EBF4: variants seen among roughly 807,000 people sequenced by gnomAD.
EBF4 encodes EBF transcription factor 4, also known as transcription factor COE4.
Under a neutral mutation model 67.1 loss-of-function variants are expected in EBF4, and 34 were observed. That is an observed-to-expected ratio of 0.51 (90% confidence interval 0.39 to 0.67). The LOEUF (loss-of-function observed/expected upper bound fraction) is 0.67, where lower values mean the gene tolerates loss of function less well. EBF4 is among the 30% of genes least tolerant of loss of function. The pLI is 0.00. For missense variants in EBF4, 837 were observed against 873.3 expected (o/e 0.96, Z 0.52); for synonymous variants, 387 against 377.7 (o/e 1.02, Z -0.29).
At chr20:2,737,159 A>G (rs2087896455) in intron 6 of EBF4, among the ~76,000 whole-genome samples, 1 of 151,296 alleles carries the variant, frequency 6.6e-6, no homozygotes, top group Non-Finnish European at 1.5e-5. Context: ...CTGAGGCAGG[A>G]GAATGGCGTG....
In EBF4 at chr20:2,751,667, G is replaced by C. The variant is rs796849410; in HGVS notation, c.1019-33G>C. 22 of 1,547,676 alleles carry C rather than the reference G, an allele frequency of 1.4e-5. No individual in the cohort carries two copies. The highest frequency in any genetic ancestry group is 2.7e-5 in the African/African-American group (2 of 72,976). Reference sequence around the variant, plus strand: ...ACCCTGGGAGTGGGGGGCTGCGGGGGAGACGTCCTCCAAACGCCGCCCCCT... The same window carrying C: ...ACCCTGGGAGTGGGGGGCTGCGGGGCAGACGTCCTCCAAACGCCGCCCCCT... On this transcript the variant is annotated intron_variant, in intron 10 of 16. Coordinates refer to ENST00000609451, the Ensembl canonical transcript of EBF4. This position sits in a 1 kb window ranked among gnomAD's most constrained non-coding sequence, Gnocchi z 5.2.
chr20:2,704,548 C>T (rs1452914191), intron 1 of EBF4, among the ~76,000 whole-genome samples: 1 of 152,208 alleles, frequency 6.6e-6, no homozygotes, highest in Non-Finnish European at 1.5e-5. Flanking sequence ...ATTCCTTGTG[C>T]TGTTTATTCT....
At chr20:2,714,387 C>T (rs977009858) in intron 6 of EBF4, among the ~76,000 whole-genome samples, 1 of 151,236 alleles carries the variant, frequency 6.6e-6, no homozygotes. Flanking sequence ...GGGTCTTGCT[C>T]TGTTGCCCAG....
At chr20:2,734,668 G>A (rs564136037) in intron 6 of EBF4, among the ~76,000 whole-genome samples, 1 of 152,148 alleles carries the variant, frequency 6.6e-6, no homozygotes, top group Non-Finnish European at 1.5e-5. Context: ...ATTATATAAA[G>A]TCTATATTTC....
At position 2,707,832 on chromosome 20, in the gene EBF4, C is replaced by G; in HGVS notation, c.415-115C>G. 1 of 1,073,170 alleles carries G rather than the reference C, an allele frequency of 9.3e-7. No individual in the cohort carries two copies. Among genetic ancestry groups the G allele is most frequent in the Non-Finnish European group, 1.3e-6 (1 of 767,134 alleles). 66.5% of individuals were successfully genotyped at this position (1,073,170 alleles called of 1,614,324 possible). ...AGCAAGGCAGAGGGCGTGCTCTTCC[C>G]TGGGGCAGGGTCTCCCTGGGCCTAG... On this transcript the variant is annotated intron_variant, in intron 4 of 16. Coordinates refer to ENST00000609451, the Ensembl canonical transcript of EBF4. This position sits in a 1 kb window ranked among gnomAD's most constrained non-coding sequence, Gnocchi z 4.6.
chr20:2,694,663 C>T (rs2087262728), intron 1 of EBF4, among the ~76,000 whole-genome samples: 2 of 152,158 alleles, frequency 1.3e-5, no homozygotes, highest in South Asian at 4.1e-4. Flanking sequence ...AGGGTGGGCA[C>T]TTGGCTTCCC....
intron 6 of EBF4, among the ~76,000 whole-genome samples, chr20:2,719,377 C>G (rs551767265): frequency 1.3e-5 from 2 of 152,208 alleles, no homozygotes; most frequent in Non-Finnish European, 2.9e-5. Context: ...CAGGCTCAAG[C>G]GATTCTCCTG....
chr20:2,725,052 G>A (rs1028636441), intron 6 of EBF4, among the ~76,000 whole-genome samples: 3 of 152,158 alleles, frequency 2.0e-5, no homozygotes, highest in African/African-American at 7.2e-5. Context: ...TAAAAATTCT[G>A]CTTAGAATGT....
At chr20:2,717,825 T>C (rs1024333914) in intron 6 of EBF4, among the ~76,000 whole-genome samples, 1 of 151,862 alleles carries the variant, frequency 6.6e-6, no homozygotes, top group Non-Finnish European at 1.5e-5. Flanking sequence ...TTTTTTTTTT[T>C]TTTGAGACAG....
rs114293357 is a variant in EBF4 at position 2,759,077 on chromosome 20, C to T, written c.*5+93C>T. 4,987 of 1,196,908 alleles carry T rather than the reference C, an allele frequency of 4.2e-3. 149 individuals are homozygous for T. In the African/African-American group the frequency reaches 0.067, roughly 16 times the overall value. 74.1% of individuals were successfully genotyped at this position (1,196,908 alleles called of 1,614,324 possible). A position where few individuals can be genotyped will look rare whatever the true frequency, so the allele number is the denominator to read the frequency against. ...GCCTTCATCCTGTGCTCAAGCCTCCCCGCTAGCAGCCCCACAGGGATGGGG... is the reference window on the plus strand; with the variant it reads ...GCCTTCATCCTGTGCTCAAGCCTCCTCGCTAGCAGCCCCACAGGGATGGGG... On this transcript the variant is annotated intron_variant, in intron 16 of 16. Coordinates refer to ENST00000609451, the Ensembl canonical transcript of EBF4.
rs2087284444 is a variant in EBF4 at position 2,696,079 on chromosome 20, A to G, written c.137+2297A>G. 6.6e-6 allele frequency among the ~76,000 whole-genome samples: 1 copy of G among 152,200 alleles called. No homozygotes were observed. Among genetic ancestry groups the G allele is most frequent in the Admixed American group, 6.5e-5 (1 of 15,280 alleles). ...GCCTCCTGGCCCAGTGCCTAGCCCCAGCCATTCACCACTCCCCTAAAACCA... is the reference window on the plus strand; with the variant it reads ...GCCTCCTGGCCCAGTGCCTAGCCCCGGCCATTCACCACTCCCCTAAAACCA... On this transcript the variant is annotated intron_variant, in intron 1 of 16. Coordinates refer to ENST00000609451, the Ensembl canonical transcript of EBF4. The surrounding 1 kb of genome is among the most constrained non-coding windows in gnomAD (Gnocchi z 4.7).
chr20:2,712,448 C>T (rs1339071991), intron 6 of EBF4, among the ~76,000 whole-genome samples: 1 of 152,060 alleles, frequency 6.6e-6, no homozygotes, highest in Non-Finnish European at 1.5e-5. Flanking sequence ...AGGTTTCTGA[C>T]CTATCAACTT....
In EBF4 at chr20:2,728,020, AC is replaced by A. The variant is rs2087767621; in HGVS notation, c.557+18381del. Among the ~76,000 whole-genome samples the A allele has an allele frequency of 2.0e-5, 3 of 152,296 alleles. No individual in the cohort carries two copies. The South Asian group carries it at 6.2e-4, about 32-fold the overall frequency. On this transcript the variant is annotated intron_variant, in intron 6 of 16. Coordinates refer to ENST00000609451, the Ensembl canonical transcript of EBF4. ...ATCCCATTCTACAGGTTGCCTTTTC[AC>A]CCTATTAATTGTGTCACTTTTATTG...
Position 2,751,701 on chromosome 20 carries a change from T to C in EBF4, c.1020T>C (p.Ala340=). 1 of 1,550,520 alleles carries C rather than the reference T, an allele frequency of 6.4e-7. No homozygotes were observed. ...TCCAAACGCCGCCCCCTTCCCCAGC[T>C]CTGAACGAGCCCACCATTGACTACG... Residue 340 remains alanine (A), a splice_region_variant and synonymous_variant, in exon 11 of 17, where the codon GCT becomes GCC. Transcript: ENST00000609451. The surrounding 1 kb of genome is among the most constrained non-coding windows in gnomAD (Gnocchi z 5.2).
chr20:2,743,508 A>G (rs999283726), intron 6 of EBF4, among the ~76,000 whole-genome samples: 3 of 152,236 alleles, frequency 2.0e-5, no homozygotes, highest in East Asian at 1.9e-4. Context: ...AAAGTTTTCT[A>G]TAACTTATTG....
At chr20:2,731,229 C>T (rs922639685) in intron 6 of EBF4, among the ~76,000 whole-genome samples, 4 of 152,278 alleles carry the variant, frequency 2.6e-5, no homozygotes, top group African/African-American at 9.6e-5. Context: ...TGTAAGTTAG[C>T]ATAATGTGCT....
At chr20:2,716,220 TAAAA>T (rs35206416) in intron 6 of EBF4, among the ~76,000 whole-genome samples, 2 of 118,252 alleles carry the variant, frequency 1.7e-5, no homozygotes. Flanking sequence ...GACCCTGTCT[TAAAA>T]AAAAAAAAAA....
intron 1 of EBF4, among the ~76,000 whole-genome samples, chr20:2,699,877 G>T (rs538898935): frequency 3.9e-5 from 6 of 152,176 alleles, no homozygotes; most frequent in Non-Finnish European, 8.8e-5. Context: ...GGCATCCATC[G>T]TACCCCAGGC....
chr20:2,723,436 A>C (rs374277249), intron 6 of EBF4, among the ~76,000 whole-genome samples: 12,048 of 151,518 alleles, frequency 0.08, 1,330 homozygotes, highest in African/African-American at 0.25. Context: ...CTGCAAGCTC[A>C]GCCTCCCGGG....
Sources: gnomAD v4.1 joint callset for allele counts (sites outside exome capture counted in the v4.1 genomes callset) on GRCh38, gnomAD v4.1.1 for gene constraint, Gnocchi (gnomAD v3.1) non-coding constraint, MANE v1.5 for transcripts, NCBI Gene and HGNC (gene_info 2026-07-23, HGNC 2026-07-21) for gene names.